The following BRD10 variants were observed in gnomAD, a reference collection of about 807,000 sequenced individuals.
BRD10 encodes the protein bromodomain containing 10.
At chr9:6,007,774 C>T in the BRD10 span, 1 of 1,560,028 alleles carries the variant, frequency 6.4e-7, no homozygotes, top group Non-Finnish European at 8.6e-7. Flanking sequence ...TCCCGGCGTC[C>T]CGGGCACACT....
the BRD10 span, chr9:6,008,321 G>C: frequency 4.1e-6 from 4 of 984,948 alleles, no homozygotes; most frequent in Non-Finnish European, 4.8e-6. Context: ...GCACGGACGG[G>C]GCCCGGCGAC....
chr9:5,912,431 C>T, the BRD10 span, among the ~76,000 whole-genome samples: 1 of 151,666 alleles, frequency 6.6e-6, no homozygotes, highest in African/African-American at 2.4e-5. Flanking sequence ...CATCTAAGAA[C>T]ACTTGGATTA....
the BRD10 span, among the ~76,000 whole-genome samples, chr9:5,885,637 T>G: frequency 9.2e-5 from 14 of 152,182 alleles, no homozygotes; most frequent in African/African-American, 3.4e-4. Flanking sequence ...CCTCCCAAAG[T>G]GCTGAGATTA....
At chr9:5,921,310 A>C in the BRD10 span, 2 of 1,613,888 alleles carry the variant, frequency 1.2e-6, no homozygotes, top group Non-Finnish European at 1.7e-6. Context: ...CTGGTGATGA[A>C]TTTATTTTTA....
the BRD10 span, among the ~76,000 whole-genome samples, chr9:5,888,823 T>C: frequency 6.6e-6 from 1 of 152,266 alleles, no homozygotes; most frequent in Non-Finnish European, 1.5e-5. Flanking sequence ...GGTTGCTTCA[T>C]GAGCTGAGTG....
chr9:5,977,906 A>G, the BRD10 span, among the ~76,000 whole-genome samples: 6 of 152,212 alleles, frequency 3.9e-5, no homozygotes, highest in African/African-American at 1.4e-4. Flanking sequence ...TTCCAGAATT[A>G]TTCTCATTTA....
chr9:5,901,088 G>A, the BRD10 span, among the ~76,000 whole-genome samples: 3 of 151,862 alleles, frequency 2.0e-5, no homozygotes, highest in Admixed American at 1.3e-4. Context: ...GCAGTGAACC[G>A]GTAGAGTGGA....
the BRD10 span, among the ~76,000 whole-genome samples, chr9:5,936,407 C>T: frequency 6.6e-6 from 1 of 152,086 alleles, no homozygotes; most frequent in African/African-American, 2.4e-5. Flanking sequence ...AGTAAATCTG[C>T]CTTAAACATC....
the BRD10 span, among the ~76,000 whole-genome samples, chr9:5,927,057 A>G: frequency 6.6e-6 from 1 of 152,194 alleles, no homozygotes. Flanking sequence ...GATAATCATA[A>G]AATGAATTTC....
chr9:5,995,902 T>C, the BRD10 span, among the ~76,000 whole-genome samples: 1 of 152,180 alleles, frequency 6.6e-6, no homozygotes, highest in Admixed American at 6.5e-5. Context: ...ACATCAAAGA[T>C]GACTGATACA....
chr9:5,904,325 T>C, the BRD10 span, among the ~76,000 whole-genome samples: 1 of 152,250 alleles, frequency 6.6e-6, no homozygotes, highest in African/African-American at 2.4e-5. Flanking sequence ...TATAGTTGGA[T>C]TGATATCTAC....
the BRD10 span, among the ~76,000 whole-genome samples, chr9:5,950,245 A>G: frequency 5.9e-5 from 9 of 152,234 alleles, no homozygotes; most frequent in Non-Finnish European, 1.5e-5. Context: ...TCAATAATAG[A>G]TGTTTTTATG....
the BRD10 span, among the ~76,000 whole-genome samples, chr9:5,900,025 A>G: frequency 6.6e-6 from 1 of 152,206 alleles, no homozygotes; most frequent in Non-Finnish European, 1.5e-5. Context: ...ATATATTTGT[A>G]TATCAAAAAC....
At chr9:5,919,486 T>C in the BRD10 span, 1 of 532,518 alleles carries the variant, frequency 1.9e-6, no homozygotes, top group South Asian at 2.9e-5. Flanking sequence ...ATGGAACAGA[T>C]CTTTCCCTCC....
chr9:5,981,454 A>G, the BRD10 span, among the ~76,000 whole-genome samples: 1 of 152,212 alleles, frequency 6.6e-6, no homozygotes, highest in African/African-American at 2.4e-5. Context: ...GTTTCCTGGC[A>G]GAGGAGAGAC....
At chr9:5,905,558 G>T in the BRD10 span, among the ~76,000 whole-genome samples, 1 of 152,222 alleles carries the variant, frequency 6.6e-6, no homozygotes, top group Non-Finnish European at 1.5e-5. Context: ...AACTGACTCT[G>T]GTATAGCATC....
the BRD10 span, chr9:5,922,905 T>C: frequency 6.2e-7 from 1 of 1,614,004 alleles, no homozygotes; most frequent in Non-Finnish European, 8.5e-7. Context: ...GCAAGAGCAT[T>C]TCTACCTGTG....
chr9:5,914,463 A>G, the BRD10 span, among the ~76,000 whole-genome samples: 1 of 107,482 alleles, frequency 9.3e-6, no homozygotes, highest in South Asian at 3.3e-4. Flanking sequence ...TCACTCTGTC[A>G]CCCAGGCTGG....
the BRD10 span, among the ~76,000 whole-genome samples, chr9:5,961,050 A>C: frequency 6.6e-6 from 1 of 152,232 alleles, no homozygotes; most frequent in African/African-American, 2.4e-5. Context: ...AGTTACATCT[A>C]GGTGAACCAT....
Sources: allele counts gnomAD v4.1 joint callset (sites outside exome capture counted in the v4.1 genomes callset), GRCh38; gene constraint gnomAD v4.1.1; transcripts MANE v1.5; gene names NCBI Gene and HGNC (gene_info 2026-07-23, HGNC 2026-07-21).